The following ARID1B variants were observed in gnomAD, a reference collection of about 807,000 sequenced individuals.
The protein encoded by ARID1B is AT-rich interaction domain 1B.
A neutral mutation model predicts 212.3 loss-of-function variants in ARID1B; 30 were observed. That is an observed-to-expected ratio of 0.14 (90% CI 0.11 to 0.19). The LOEUF (loss-of-function observed/expected upper bound fraction) is 0.19. Ranked by LOEUF, ARID1B falls within the 10% of genes least tolerant of loss-of-function variation. The pLI is 1.00. For synonymous variants in ARID1B, 1,402 were observed against 1,301.7 expected, an observed-to-expected ratio of 1.08 and a Z score of -1.66; for missense variants, 2,891 against 3,204.0, an observed-to-expected ratio of 0.90 and a Z score of 2.36.
chr6:156,937,238 A>T (rs942343923), intron 4 of ARID1B: 3 of 152,214 alleles, frequency 2.0e-5, no homozygotes, highest in African/African-American at 7.2e-5. Flanking sequence ...AGACAGAGGC[A>T]TGCATGCTGT....
chr6:156,996,450 A>G (rs992584316), intron 4 of ARID1B, among the ~76,000 whole-genome samples: 3 of 152,244 alleles, frequency 2.0e-5, no homozygotes, highest in African/African-American at 7.2e-5. Flanking sequence ...TAACATGGAA[A>G]GAAATTGTAC....
chr6:156,844,864 G>C (rs541457063), intron 2 of ARID1B, among the ~76,000 whole-genome samples: 34 of 152,296 alleles, frequency 2.2e-4, no homozygotes, highest in African/African-American at 8.2e-4. Context: ...TCCAGGAGTT[G>C]ATAACTGCCC....
chr6:156,835,242 A>AAG (rs1783428686), intron 2 of ARID1B, among the ~76,000 whole-genome samples: 1 of 149,468 alleles, frequency 6.7e-6, no homozygotes, highest in Non-Finnish European at 1.5e-5. Flanking sequence ...TCTGTCACAA[A>AAG]AAAAAAAAAA....
chr6:157,206,943 C>T lies in ARID1B; in HGVS notation c.6171C>T (p.Ile2057=), dbSNP rs142499766. ...RSRDETPLCT[I]AHWQDSLAKR... ...GAGACGAGACTCCTCTGTGTACCAT[C>T]GCGCACTGGCAGGACTCGCTGGCTA... is the stretch of plus-strand genomic sequence containing the variant. The change falls in exon 20 of 20, where the codon ATC becomes ATT. Residue 2057 remains isoleucine, a synonymous_variant. Transcript: ENST00000636930. The surrounding 1 kb of genome is among the most constrained non-coding windows in gnomAD (Gnocchi z 6.8). 2.2e-3 allele frequency: 3,561 copies of T among 1,614,160 alleles called. 13 individuals are homozygous for T. The highest frequency in any genetic ancestry group is 2.1e-3 in the Non-Finnish European group (2,461 of 1,180,032).
chr6:156,782,133 T>C (rs1427497294), intron 1 of ARID1B, among the ~76,000 whole-genome samples: 1 of 151,706 alleles, frequency 6.6e-6, no homozygotes, highest in Non-Finnish European at 1.5e-5. Flanking sequence ...GAAGTTAGTA[T>C]TATTTAGTAT....
At chr6:156,880,085 A>G (rs546692219) in intron 2 of ARID1B, among the ~76,000 whole-genome samples, 2 of 152,324 alleles carry the variant, frequency 1.3e-5, no homozygotes, top group African/African-American at 2.4e-5. Flanking sequence ...GGTGGAGGCC[A>G]GGTGGCAAGA....
chr6:157,188,432 A>G (rs1793131473), intron 13 of ARID1B, among the ~76,000 whole-genome samples: 2 of 152,134 alleles, frequency 1.3e-5, no homozygotes, highest in African/African-American at 4.8e-5. Context: ...TAATGTACTC[A>G]TTTTGATTTC....
intron 5 of ARID1B, among the ~76,000 whole-genome samples, chr6:157,100,863 A>C (rs1345386196): frequency 6.6e-6 from 1 of 152,244 alleles, no homozygotes; most frequent in East Asian, 1.9e-4. Flanking sequence ...GATCCTGACC[A>C]GTTCTTCATG....
intron 4 of ARID1B, among the ~76,000 whole-genome samples, chr6:157,075,521 G>A (rs1381403365): frequency 2.0e-5 from 3 of 152,176 alleles, no homozygotes; most frequent in Non-Finnish European, 4.4e-5. Context: ...TTACTAGGAG[G>A]TGGAGCTTAA....
chr6:156,877,942 C>T (rs1281596998), intron 2 of ARID1B, among the ~76,000 whole-genome samples: 1 of 152,076 alleles, frequency 6.6e-6, no homozygotes. Flanking sequence ...TCTCGAACTC[C>T]TGACCACAAG....
chr6:157,176,522 G>A (rs1321519986), intron 11 of ARID1B, among the ~76,000 whole-genome samples: 1 of 152,174 alleles, frequency 6.6e-6, no homozygotes, highest in Non-Finnish European at 1.5e-5. Context: ...GAATTTCAGA[G>A]GTTAAAAATA....
In ARID1B at chr6:157,203,407, G is replaced by A. The variant is rs750187087; in HGVS notation, c.5264-459G>A. On this transcript the variant is annotated intron_variant, in intron 18 of 19. Coordinates refer to ENST00000636930, the MANE Select transcript of ARID1B (RefSeq NM_001374828.1). The surrounding 1 kb of genome is among the most constrained non-coding windows in gnomAD (Gnocchi z 4.4). ...GTGTGTCTGAGGAGGCTGTCTTGGA[G>A]TTAAATTTTGCTTCCATGTTCTGCA... is the stretch of plus-strand genomic sequence containing the variant. Among the ~76,000 whole-genome samples, 24 of 152,232 alleles carry A rather than the reference G, an allele frequency of 1.6e-4. No individual in the cohort carries two copies. The highest frequency in any genetic ancestry group is 3.4e-4 in the Non-Finnish European group (23 of 68,042).
At chr6:156,849,158 TTATG>T (rs1192562468) in intron 2 of ARID1B, among the ~76,000 whole-genome samples, 2 of 152,196 alleles carry the variant, frequency 1.3e-5, no homozygotes, top group Non-Finnish European at 2.9e-5. Flanking sequence ...TTCCTTGAGA[TTATG>T]TATGCTATTT....
intron 1 of ARID1B, among the ~76,000 whole-genome samples, chr6:156,787,128 A>C (rs750602592): frequency 1.3e-5 from 2 of 152,210 alleles, no homozygotes; most frequent in African/African-American, 2.4e-5. Context: ...TAATAACTAA[A>C]AGAAGGAAAA....
rs2128339108 is a variant in ARID1B, at chr6:157,189,788, C to A, written c.4058+8C>A. On this transcript the variant is annotated splice_region_variant and intron_variant, in intron 14 of 19. Transcript: ENST00000636930. ...TCCAATGCAAGGTGGAAGGTATGTT[C>A]AAATAACTCTGTGAGGCATACAAAG... is the stretch of plus-strand genomic sequence containing the variant. The A allele has an allele frequency of 6.2e-7, 1 of 1,613,216 alleles. No homozygotes were observed. Among genetic ancestry groups the A allele is most frequent in the Non-Finnish European group, 8.5e-7 (1 of 1,179,842 alleles).
chr6:157,107,621 C>T (rs1362770973), intron 5 of ARID1B: 2 of 152,122 alleles, frequency 1.3e-5, no homozygotes, highest in Admixed American at 6.5e-5. Flanking sequence ...ATGGAACTTA[C>T]TCTAATTCAT....
chr6:157,173,440 A>C (rs1791859935), intron 9 of ARID1B: 1 of 152,298 alleles, frequency 6.6e-6, no homozygotes, highest in African/African-American at 2.4e-5. Flanking sequence ...TTTCCTTCCA[A>C]AATTTATTTT....
At chr6:156,928,247 G>A (rs1016001308) in intron 3 of ARID1B, among the ~76,000 whole-genome samples, 1 of 152,182 alleles carries the variant, frequency 6.6e-6, no homozygotes, top group Non-Finnish European at 1.5e-5. Flanking sequence ...CATTTTCTGA[G>A]CACTTGTATT....
intron 4 of ARID1B, among the ~76,000 whole-genome samples, chr6:157,008,005 A>G (rs1779349397): frequency 6.6e-6 from 1 of 152,216 alleles, no homozygotes. Flanking sequence ...AAAACTTTTT[A>G]AAGTTTAAAT....
Sources: allele counts gnomAD v4.1 joint callset (sites outside exome capture counted in the v4.1 genomes callset), GRCh38; gene constraint gnomAD v4.1.1; non-coding constraint Gnocchi (gnomAD v3.1); transcripts MANE v1.5; gene names NCBI Gene and HGNC (gene_info 2026-07-23, HGNC 2026-07-21).